The following AUTS2 variants were observed in gnomAD, a reference collection of about 807,000 sequenced individuals.
The protein encoded by AUTS2 is activator of transcription and developmental regulator AUTS2.
In AUTS2, 17 loss-of-function variants were observed where a neutral mutation model predicts 112.4. That is an observed-to-expected ratio of 0.15 (90% CI 0.10 to 0.23). The LOEUF is 0.23. AUTS2 is among the 10% of genes least tolerant of loss of function. The pLI, the probability that AUTS2 is intolerant of heterozygous loss-of-function variation, is 1.00. For missense variants in AUTS2, 1,510 were observed against 1,701.6 expected (o/e 0.89, Z 1.98); for synonymous variants, 751 against 702.7 (o/e 1.07, Z -1.09).
At chr7:69,742,609 A>G (rs1343627368) in intron 1 of AUTS2, among the ~76,000 whole-genome samples, 2 of 152,174 alleles carry the variant, frequency 1.3e-5, no homozygotes, top group East Asian at 3.8e-4. Flanking sequence ...TTAAGCATCA[A>G]AACTAACTTT....
chr7:70,125,274 TG>T (rs1430844994), intron 3 of AUTS2, among the ~76,000 whole-genome samples: 1 of 151,746 alleles, frequency 6.6e-6, no homozygotes, highest in Non-Finnish European at 1.5e-5. Context: ...TGTGTGTGTG[TG>T]TGTGTGTGTG....
chr7:70,123,227 A>G (rs1286635196), intron 3 of AUTS2, among the ~76,000 whole-genome samples: 1 of 152,204 alleles, frequency 6.6e-6, no homozygotes, highest in Non-Finnish European at 1.5e-5. Context: ...TTTGGATACC[A>G]AAGCAACACC....
At chr7:70,171,461 A>G (rs1359647259) in intron 4 of AUTS2, among the ~76,000 whole-genome samples, 2 of 152,170 alleles carry the variant, frequency 1.3e-5, no homozygotes, top group African/African-American at 4.8e-5. Context: ...AGTATTTGCA[A>G]CATGTTCACC....
chr7:70,219,777 G>T (rs1811379125), intron 4 of AUTS2, among the ~76,000 whole-genome samples: 1 of 151,908 alleles, frequency 6.6e-6, no homozygotes, highest in Non-Finnish European at 1.5e-5. Flanking sequence ...TCACCACATT[G>T]GTCAGGCTGA....
intron 4 of AUTS2, among the ~76,000 whole-genome samples, chr7:70,368,721 T>C (rs1792699674): frequency 6.6e-6 from 1 of 152,090 alleles, no homozygotes; most frequent in Non-Finnish European, 1.5e-5. Flanking sequence ...GTGCCTGGAA[T>C]TGGGGAAGCA....
chr7:70,575,154 T>C (rs1802106496), intron 5 of AUTS2, among the ~76,000 whole-genome samples: 2 of 152,222 alleles, frequency 1.3e-5, no homozygotes, highest in Admixed American at 6.5e-5. Flanking sequence ...TGGTCTCCAG[T>C]TGGAGTTCTT....
chr7:70,671,184 A>C (rs551320220), intron 5 of AUTS2, among the ~76,000 whole-genome samples: 1 of 152,312 alleles, frequency 6.6e-6, no homozygotes, highest in East Asian at 1.9e-4. Flanking sequence ...ACTCCGTCTC[A>C]AAAAACAAAC....
intron 5 of AUTS2, among the ~76,000 whole-genome samples, chr7:70,443,601 G>A (rs771190109): frequency 5.9e-5 from 9 of 152,118 alleles, no homozygotes; most frequent in Non-Finnish European, 1.0e-4. Flanking sequence ...ACATATAGGG[G>A]ACATACTCGG....
chr7:69,805,702 A>G (rs1277403995), intron 1 of AUTS2, among the ~76,000 whole-genome samples: 4 of 152,208 alleles, frequency 2.6e-5, no homozygotes, highest in African/African-American at 9.7e-5. Context: ...AGTATCAAGG[A>G]AGGCTTTCTT....
intron 6 of AUTS2, among the ~76,000 whole-genome samples, chr7:70,712,266 C>T (rs954623373): frequency 8.0e-5 from 10 of 125,360 alleles, no homozygotes; most frequent in African/African-American, 1.5e-4. Context: ...AGGCTGGGCT[C>T]GAACTCCTGA....
chr7:70,777,673 G>A (rs1018950309), intron 14 of AUTS2, among the ~76,000 whole-genome samples: 8 of 152,154 alleles, frequency 5.3e-5, no homozygotes, highest in Admixed American at 4.6e-4. Context: ...AACCACTAGT[G>A]AAATTACAAA....
At chr7:70,774,160 G>C (rs373222098) in intron 12 of AUTS2, 61 bp downstream of exon 12, 1 of 1,483,684 alleles carries the variant, frequency 6.7e-7, no homozygotes, top group African/African-American at 1.4e-5. Flanking sequence ...TGCACGGGAC[G>C]GCCAGCCCAG....
chr7:69,600,023 G>A, intron 1 of AUTS2, 61 bp downstream of exon 1: 4 of 1,561,084 alleles, frequency 2.6e-6, no homozygotes, highest in Non-Finnish European at 3.5e-6. Flanking sequence ...GGCTGCGCCC[G>A]GCTCTCCTGC....
intron 4 of AUTS2, among the ~76,000 whole-genome samples, chr7:70,368,495 GGTTAT>G (rs1792687241): frequency 1.3e-5 from 2 of 152,180 alleles, no homozygotes; most frequent in East Asian, 3.9e-4. Context: ...GGATAATTTA[GGTTAT>G]GTTGCAGTAA....
At chr7:69,976,401 T>C (rs1040808032) in intron 2 of AUTS2, among the ~76,000 whole-genome samples, 19 of 152,214 alleles carry the variant, frequency 1.2e-4, no homozygotes, top group African/African-American at 4.6e-4. Flanking sequence ...CATTCATCCA[T>C]TGGACATTTG....
chr7:70,606,091 G>A (rs1803743564), intron 5 of AUTS2, among the ~76,000 whole-genome samples: 1 of 152,152 alleles, frequency 6.6e-6, no homozygotes, highest in Non-Finnish European at 1.5e-5. Context: ...CCAGCACCTC[G>A]ACTCTGATTT....
At chr7:70,399,703 AATT>A (rs1475437401) in intron 4 of AUTS2, among the ~76,000 whole-genome samples, 3 of 152,324 alleles carry the variant, frequency 2.0e-5, no homozygotes, top group African/African-American at 7.2e-5. Flanking sequence ...CAATGAAGGT[AATT>A]ATTAATTAAA....
chr7:69,694,259 C>T (rs1797462683), intron 1 of AUTS2, among the ~76,000 whole-genome samples: 1 of 152,144 alleles, frequency 6.6e-6, no homozygotes, highest in African/African-American at 2.4e-5. Context: ...GAAATTCTGA[C>T]TCAGTGGGGG....
At chr7:69,909,795 A>G (rs776340005) in intron 2 of AUTS2, among the ~76,000 whole-genome samples, 11 of 152,216 alleles carry the variant, frequency 7.2e-5, no homozygotes, top group Non-Finnish European at 1.6e-4. Flanking sequence ...AACAGTAGGT[A>G]GCATTCTTTT....
Sources: allele counts gnomAD v4.1 joint callset (sites outside exome capture counted in the v4.1 genomes callset), GRCh38; gene constraint gnomAD v4.1.1; transcripts MANE v1.5; gene names NCBI Gene and HGNC (gene_info 2026-07-23, HGNC 2026-07-21).